The following SCUBE1 variants were observed in gnomAD, a reference collection of about 807,000 sequenced individuals.
SCUBE1 encodes the protein signal peptide, CUB domain and EGF like domain containing 1.
Under a neutral mutation model 124.4 loss-of-function variants are expected in SCUBE1, and 59 were observed. That is an observed-to-expected ratio of 0.47 (90% CI 0.38 to 0.59). The LOEUF is 0.59. SCUBE1 is among the 20% of genes least tolerant of loss of function. The pLI, the probability that SCUBE1 is intolerant of heterozygous loss-of-function variation, is 0.00. For missense variants in SCUBE1, 1,150 were observed against 1,371.2 expected (o/e 0.84, Z 2.55); for synonymous variants, 545 against 550.9 (o/e 0.99, Z 0.15).
chr22:43,298,828 G>A (rs1053302433), intron 3 of SCUBE1, among the ~76,000 whole-genome samples: 4 of 152,088 alleles, frequency 2.6e-5, no homozygotes, highest in East Asian at 1.9e-4. Context: ...TGAGGCGGGC[G>A]GATCACAAGG....
intron 21 of SCUBE1, among the ~76,000 whole-genome samples, chr22:43,206,777 T>G (rs1354759216): frequency 6.6e-6 from 1 of 151,742 alleles, no homozygotes; most frequent in African/African-American, 2.4e-5. Context: ...GGAGCGATGC[T>G]CCCAGGGCGG....
rs745515163 is a variant in SCUBE1 at position 43,281,506 on chromosome 22, T to TC, written c.484+9539dup. On this transcript the variant is annotated intron_variant, in intron 4 of 21. Transcript: ENST00000360835. ...CCTCTTTGGCCACCCTCCTGTCACC[T>TC]CCTCCTCAGCCACCCTCCTGTCACC... Among the ~76,000 whole-genome samples the TC allele has an allele frequency of 3.5e-3, 160 of 46,150 alleles. 7 individuals carry two copies. The highest frequency in any genetic ancestry group is 0.031 in the Middle Eastern group (2 of 64). The allele number at this position is 46,150 out of a possible 152,430, so 30.3% of individuals were successfully genotyped here.
chr22:43,340,481 T>TACACACACACAC (rs3047392), intron 1 of SCUBE1, among the ~76,000 whole-genome samples: 2 of 136,014 alleles, frequency 1.5e-5, no homozygotes, highest in African/African-American at 2.8e-5. Context: ...TTGTCTCTTT[T>TACACACACACAC]ACACACACAC....
At position 43,202,572 on chromosome 22, in the gene SCUBE1, G is replaced by A. The variant is rs527961947; in HGVS notation, c.*1425C>T. ...CCGGCTGGGTGGGACACATGCACTC[G>A]GTCACAGCCCAGACTCTCTTTCTCC... On this transcript the variant is annotated 3_prime_UTR_variant, in exon 22 of 22. Coordinates refer to ENST00000360835, the MANE Select transcript of SCUBE1 (RefSeq NM_173050.5). 3 of 151,914 alleles carry A rather than the reference G, an allele frequency of 2.0e-5. No individual in the cohort carries two copies. Among genetic ancestry groups the A allele is most frequent in the East Asian group, 1.9e-4 (1 of 5,158 alleles). The allele number at this position is 151,914 out of a possible 1,614,324, so 9.4% of individuals were successfully genotyped here.
Position 43,234,826 on chromosome 22 carries a change from C to T in SCUBE1, c.845-2951G>A, listed in dbSNP as rs1922693629. On this transcript the variant is annotated intron_variant, in intron 7 of 21. Coordinates refer to ENST00000360835, the MANE Select transcript of SCUBE1 (RefSeq NM_173050.5). This position sits in a 1 kb window ranked among gnomAD's most constrained non-coding sequence, Gnocchi z 4.4. ...GTGGGCCCTCCCTCTGCAGAGGCTC[C>T]CAGAGCTTCCCTTCCAGCCCGGCCA... is the stretch of plus-strand genomic sequence containing the variant. Among the ~76,000 whole-genome samples, 1 of 152,150 alleles carries T rather than the reference C, an allele frequency of 6.6e-6. No homozygotes were observed. Among genetic ancestry groups the T allele is most frequent in the Non-Finnish European group, 1.5e-5 (1 of 68,012 alleles).
intron 4 of SCUBE1, among the ~76,000 whole-genome samples, chr22:43,268,080 G>A (rs1166891083): frequency 6.6e-6 from 1 of 152,212 alleles, no homozygotes; most frequent in Non-Finnish European, 1.5e-5. Flanking sequence ...AGCCAGCCAG[G>A]TCCATGCAGC....
chr22:43,256,683 C>A (rs1427903732), intron 6 of SCUBE1, among the ~76,000 whole-genome samples: 1 of 152,230 alleles, frequency 6.6e-6, no homozygotes, highest in Non-Finnish European at 1.5e-5. Context: ...AGGCTGGGTG[C>A]GTCTGGCCTG....
chr22:43,253,182 G>T (rs997066391), intron 6 of SCUBE1, among the ~76,000 whole-genome samples: 6 of 152,112 alleles, frequency 3.9e-5, no homozygotes, highest in Non-Finnish European at 7.4e-5. Flanking sequence ...AATACAACGT[G>T]GGGGGCACCA....
At chr22:43,265,651 C>A (rs978996755) in intron 4 of SCUBE1, among the ~76,000 whole-genome samples, 5 of 152,234 alleles carry the variant, frequency 3.3e-5, no homozygotes, top group African/African-American at 1.2e-4. Flanking sequence ...GTTAGTGGGA[C>A]TGGCTTCAGG....
At chr22:43,267,853 A>T (rs1924134360) in intron 4 of SCUBE1, among the ~76,000 whole-genome samples, 1 of 152,170 alleles carries the variant, frequency 6.6e-6, no homozygotes, top group Admixed American at 6.5e-5. Flanking sequence ...CCCCTCCTGC[A>T]GGTGGTATCT....
At chr22:43,289,104 A>G (rs1232105282) in intron 4 of SCUBE1, among the ~76,000 whole-genome samples, 1 of 152,252 alleles carries the variant, frequency 6.6e-6, no homozygotes, top group Non-Finnish European at 1.5e-5. Context: ...TCAAAGGAAC[A>G]GAGCACACAC....
intron 6 of SCUBE1, among the ~76,000 whole-genome samples, chr22:43,257,613 A>C (rs1426584214): frequency 2.0e-5 from 3 of 152,202 alleles, no homozygotes. Flanking sequence ...GTTGGGAAGA[A>C]AGGCCAGCAG....
At chr22:43,243,996 G>T (rs910560716) in intron 6 of SCUBE1, among the ~76,000 whole-genome samples, 1 of 152,182 alleles carries the variant, frequency 6.6e-6, no homozygotes, top group African/African-American at 2.4e-5. Context: ...GGTCTTCACA[G>T]GCGGGTCAAT....
intron 4 of SCUBE1, among the ~76,000 whole-genome samples, chr22:43,263,328 G>C (rs1923942833): frequency 6.6e-6 from 1 of 152,124 alleles, no homozygotes; most frequent in African/African-American, 2.4e-5. Flanking sequence ...TTATCTTCCT[G>C]GTGATTTGTG....
At chr22:43,244,273 C>T (rs994724694) in intron 6 of SCUBE1, among the ~76,000 whole-genome samples, 1 of 152,230 alleles carries the variant, frequency 6.6e-6, no homozygotes, top group Non-Finnish European at 1.5e-5. Flanking sequence ...ACCTGCCTCC[C>T]CGAAAGCTGT....
chr22:43,320,542 G>A (rs1926508930), intron 2 of SCUBE1, among the ~76,000 whole-genome samples: 1 of 152,084 alleles, frequency 6.6e-6, no homozygotes, highest in African/African-American at 2.4e-5. Flanking sequence ...CCTTTTTGCT[G>A]TTTTAAGGCT....
intron 6 of SCUBE1, among the ~76,000 whole-genome samples, chr22:43,249,828 C>T (rs1218284161): frequency 6.6e-6 from 1 of 152,154 alleles, no homozygotes; most frequent in East Asian, 1.9e-4. Context: ...ACATAGATGG[C>T]GGGATGGCTG....
chr22:43,313,711 T>C (rs2146777438), intron 3 of SCUBE1, among the ~76,000 whole-genome samples: 1 of 152,212 alleles, frequency 6.6e-6, no homozygotes, highest in East Asian at 1.9e-4. Flanking sequence ...TCAAATAGAG[T>C]GAGGGCTTTG....
chr22:43,334,972 C>T (rs1456579749), intron 2 of SCUBE1, among the ~76,000 whole-genome samples: 1 of 152,198 alleles, frequency 6.6e-6, no homozygotes, highest in Non-Finnish European at 1.5e-5. Flanking sequence ...AACTCCTAAG[C>T]TGACCTTAAT....
Sources: gnomAD v4.1 joint callset for allele counts (sites outside exome capture counted in the v4.1 genomes callset) on GRCh38, gnomAD v4.1.1 for gene constraint, Gnocchi (gnomAD v3.1) non-coding constraint, MANE v1.5 for transcripts, NCBI Gene and HGNC (gene_info 2026-07-23, HGNC 2026-07-21) for gene names.